REPS1: variants seen among roughly 807,000 people sequenced by gnomAD.
REPS1 encodes the protein RALBP1 associated Eps domain containing 1, also known as ralBP1-associated Eps domain-containing protein 1.
In REPS1, 39 loss-of-function variants were observed where a neutral mutation model predicts 100.9. The ratio of observed to expected loss-of-function variants is 0.39; its 90% CI spans 0.30 to 0.50. The LOEUF (loss-of-function observed/expected upper bound fraction) is 0.50. Ranked by LOEUF, REPS1 falls within the 20% of genes least tolerant of loss-of-function variation. REPS1 has a pLI of 0.86. For synonymous variants in REPS1, 324 were observed against 340.3 expected, an observed-to-expected ratio of 0.95 and a Z score of 0.53; for missense variants, 821 against 968.5, an observed-to-expected ratio of 0.85 and a Z score of 2.02.
chr6:138,963,996 T>C (rs1442582044), intron 1 of REPS1, among the ~76,000 whole-genome samples: 2 of 152,200 alleles, frequency 1.3e-5, no homozygotes, highest in African/African-American at 4.8e-5. Context: ...AATGCAATCA[T>C]TTCAACCCTT....
rs192634770 is a variant in REPS1, at chr6:138,964,571, A to T, written c.154-16658T>A. On this transcript the variant is annotated intron_variant, in intron 1 of 19. Coordinates refer to ENST00000450536, the MANE Select transcript of REPS1 (RefSeq NM_001286611.2). ...AATTAACTCAATTTAGCCATTCCACAATGTATACATATTTCAAAATATGTT... is the reference window on the plus strand; with the variant it reads ...AATTAACTCAATTTAGCCATTCCACTATGTATACATATTTCAAAATATGTT... Among the ~76,000 whole-genome samples the T allele has an allele frequency of 4.8e-4, 73 of 152,160 alleles. No homozygotes were observed. The East Asian group carries it at 0.013, about 27-fold the overall frequency.
rs568626153 is a variant in REPS1, at chr6:138,979,180, C to CAAAAAAAAAAAAA, written c.153+8337_153+8349dup. ...TGGGCGACAGAGCGAGAATCCATCACAAAAAAAAAAAAAAAAACAAAAAAA... is the reference window on the plus strand; with the variant it reads ...TGGGCGACAGAGCGAGAATCCATCACAAAAAAAAAAAAAAAAAAAAAAAAAAAAAACAAAAAAA... On this transcript the variant is annotated intron_variant, in intron 1 of 19. Transcript: ENST00000450536. 1.2e-3 allele frequency among the ~76,000 whole-genome samples: 72 copies of CAAAAAAAAAAAAA among 59,282 alleles called. 2 individuals carry two copies. Among genetic ancestry groups the CAAAAAAAAAAAAA allele is most frequent in the Non-Finnish European group, 1.7e-3 (59 of 34,326 alleles). 38.9% of individuals were successfully genotyped at this position (59,282 alleles called of 152,430 possible). A position where few individuals can be genotyped will look rare whatever the true frequency, so the allele number is the denominator to read the frequency against.
chr6:138,923,764 AGTGGTTGTCTCTAAATGCT>A (rs1156261486), intron 10 of REPS1, among the ~76,000 whole-genome samples: 2 of 152,212 alleles, frequency 1.3e-5, no homozygotes, highest in Non-Finnish European at 1.5e-5. Flanking sequence ...TGCACTGTGT[AGTGGTTGTCTCTAAATGCT>A]ACAGACCAGT....
Position 138,954,568 on chromosome 6 carries a change from T to C in REPS1, c.154-6655A>G, listed in dbSNP as rs370230336. 1.3e-4 allele frequency among the ~76,000 whole-genome samples: 20 copies of C among 151,252 alleles called. No homozygotes were observed. In the East Asian group the frequency reaches 3.3e-3, roughly 25 times the overall value. On this transcript the variant is annotated intron_variant, in intron 1 of 19. Coordinates refer to ENST00000450536, the MANE Select transcript of REPS1 (RefSeq NM_001286611.2). The stretch of plus-strand genomic sequence containing the variant: ...TGTTTTAAGAAAGTTTACAAATTTG[T>C]GTTGGGCTGCATTCAAAGCTATCCT...
chr6:138,909,667 G>C (rs577486027), intron 17 of REPS1, among the ~76,000 whole-genome samples: 1 of 152,076 alleles, frequency 6.6e-6, no homozygotes, highest in South Asian at 2.1e-4. Flanking sequence ...GTTCTCACAA[G>C]ACCTAATGGT....
chr6:138,941,670 G>A (rs1782257605), intron 7 of REPS1, among the ~76,000 whole-genome samples, 181 bp from the exon 8 acceptor site: 1 of 152,142 alleles, frequency 6.6e-6, no homozygotes, highest in Admixed American at 6.6e-5. Context: ...CCAGAATCTA[G>A]GTGGTAGTAT....
At chr6:138,976,139 T>C (rs1013907526) in intron 1 of REPS1, among the ~76,000 whole-genome samples, 1 of 152,142 alleles carries the variant, frequency 6.6e-6, no homozygotes, top group Non-Finnish European at 1.5e-5. Context: ...CACTTTGAAG[T>C]CAAACCTATG....
intron 17 of REPS1, chr6:138,911,044 G>A (rs747843225): frequency 5.0e-6 from 2 of 402,918 alleles, no homozygotes; most frequent in Non-Finnish European, 8.9e-6. Context: ...CTTATATAGT[G>A]GGAAGAATGC....
intron 17 of REPS1, among the ~76,000 whole-genome samples, chr6:138,910,550 C>T (rs565407944): frequency 1.6e-4 from 24 of 152,200 alleles, no homozygotes; most frequent in East Asian, 5.8e-4. Flanking sequence ...GACGGGGTTT[C>T]GCCACATTGC....
chr6:138,987,422 GAGGAACCAGCCCCCCGCCGGGCCCCA>G, intron 1 of REPS1, 82 bp downstream of exon 1: 1 of 1,208,922 alleles, frequency 8.3e-7, no homozygotes, highest in Non-Finnish European at 1.1e-6. Flanking sequence ...GGGACCCCCC[GAGGAACCAGCCCCCCGCCGGGCCCCA>G]AGGAATCGGC....
At chr6:138,922,230 A>G (rs1780821609) in intron 10 of REPS1, among the ~76,000 whole-genome samples, 1 of 152,204 alleles carries the variant, frequency 6.6e-6, no homozygotes. Context: ...TGAGATGCCT[A>G]TGACATTGCA....
chr6:138,978,104 TTTTC>T (rs1259284920), intron 1 of REPS1, among the ~76,000 whole-genome samples: 3 of 147,962 alleles, frequency 2.0e-5, no homozygotes, highest in African/African-American at 7.5e-5. Context: ...AGTTTTTTTT[TTTTC>T]CTTATAAGTG....
intron 1 of REPS1, among the ~76,000 whole-genome samples, chr6:138,986,836 T>A (rs1785286661): frequency 6.6e-6 from 1 of 152,178 alleles, no homozygotes; most frequent in Non-Finnish European, 1.5e-5. Flanking sequence ...GGCTTCAGAT[T>A]AGGGCAAATA....
intron 19 of REPS1, 41 bp from the exon 20 acceptor site, chr6:138,905,173 T>C (rs1562504005): frequency 2.3e-6 from 3 of 1,310,428 alleles, no homozygotes; most frequent in Non-Finnish European, 3.3e-6. Context: ...TCAAAGTATA[T>C]AAAAATGAAG....
intron 7 of REPS1, among the ~76,000 whole-genome samples, chr6:138,942,355 C>T (rs1223984438): frequency 6.6e-6 from 1 of 152,178 alleles, no homozygotes; most frequent in Non-Finnish European, 1.5e-5. Context: ...GCACTCTATG[C>T]TACCAAAAAC....
intron 19 of REPS1, among the ~76,000 whole-genome samples, chr6:138,907,101 G>A (rs1779700511): frequency 6.6e-6 from 1 of 152,158 alleles, no homozygotes; most frequent in Non-Finnish European, 1.5e-5. Context: ...CAAGATGACT[G>A]AAATTGCTGC....
intron 1 of REPS1, among the ~76,000 whole-genome samples, chr6:138,955,163 T>TAGTC (rs1227126465): frequency 1.3e-5 from 2 of 152,100 alleles, no homozygotes; most frequent in East Asian, 3.9e-4. Flanking sequence ...ATATATAACA[T>TAGTC]AGTCCATCAG....
At chr6:138,916,074 T>G in intron 13 of REPS1, 98 bp from the exon 14 acceptor site, 1 of 863,012 alleles carries the variant, frequency 1.2e-6, no homozygotes. Context: ...AGGATCTTAT[T>G]AGCATGACAT....
At chr6:138,919,496 C>T (rs1014382386) in intron 12 of REPS1, among the ~76,000 whole-genome samples, 5 of 152,208 alleles carry the variant, frequency 3.3e-5, no homozygotes, top group African/African-American at 9.6e-5. Context: ...TCTGACACTG[C>T]CTCCTGTTAC....
Sources: allele counts gnomAD v4.1 joint callset (sites outside exome capture counted in the v4.1 genomes callset), GRCh38; gene constraint gnomAD v4.1.1; transcripts MANE v1.5; gene names NCBI Gene and HGNC (gene_info 2026-07-23, HGNC 2026-07-21).